UBR1: variants seen among roughly 807,000 people sequenced by gnomAD.
The protein encoded by UBR1 is ubiquitin protein ligase E3 component n-recognin 1, also known as E3 ubiquitin-protein ligase UBR1.
In UBR1, 102 loss-of-function variants were observed where a neutral mutation model predicts 242.1. The ratio of observed to expected loss-of-function variants is 0.42; its 90% CI spans 0.36 to 0.50. The LOEUF (loss-of-function observed/expected upper bound fraction) is 0.50. Among genes scored for constraint, UBR1 ranks in the 20% least tolerant of loss-of-function variants. The probability of loss-of-function intolerance (pLI) is 0.01; values close to 1 mark genes in which losing one functional copy is unlikely to be tolerated. For synonymous variants in UBR1, 675 were observed against 684.8 expected, an observed-to-expected ratio of 0.99 and a Z score of 0.22; for missense variants, 1,772 against 2,101.8, an observed-to-expected ratio of 0.84 and a Z score of 3.07.
Position 43,006,091 on chromosome 15 carries a change from TAAAAAAAAAAAAAAGAAAA to T in UBR1, c.3415+969_3415+987del, listed in dbSNP as rs960623833. On this transcript the variant is annotated intron_variant, in intron 30 of 46. Coordinates refer to ENST00000290650, the MANE Select transcript of UBR1 (RefSeq NM_174916.3). The stretch of plus-strand genomic sequence containing the variant: ...ACACCCAAGAATGATCAATAAATAC[TAAAAAAAAAAAAAAGAAAA>T]AAAAAAAAAGAAAAGAAAAGCACAG... Among the ~76,000 whole-genome samples, 12 of 71,650 alleles carry T rather than the reference TAAAAAAAAAAAAAAGAAAA, an allele frequency of 1.7e-4. No homozygotes were observed. The South Asian group carries it at 3.1e-3, about 18-fold the overall frequency. 47.0% of individuals were successfully genotyped at this position (71,650 alleles called of 152,430 possible). A position where few individuals can be genotyped will look rare whatever the true frequency, so the allele number is the denominator to read the frequency against.
At chr15:43,019,414 A>G (rs1370112946) in intron 27 of UBR1, among the ~76,000 whole-genome samples, 1 of 151,992 alleles carries the variant, frequency 6.6e-6, no homozygotes, top group Non-Finnish European at 1.5e-5. Context: ...AATGGTAAGA[A>G]GAGCTGCCCT....
intron 39 of UBR1, among the ~76,000 whole-genome samples, chr15:42,973,452 GC>G (rs1280232297): frequency 6.6e-6 from 1 of 152,058 alleles, no homozygotes; most frequent in Non-Finnish European, 1.5e-5. Context: ...TGCACACCAT[GC>G]CAGGCTAATT....
At chr15:43,029,837 T>G in intron 21 of UBR1, 107 bp downstream of exon 21, 21 of 1,290,150 alleles carry the variant, frequency 1.6e-5, no homozygotes, top group East Asian at 2.3e-5. Context: ...TATAAGGTAA[T>G]GATATAGGAC....
Position 43,015,875 on chromosome 15 carries a change from T to A in UBR1, c.3028-6A>T, listed in dbSNP as rs2033016594. On this transcript the variant is annotated splice_polypyrimidine_tract_variant and splice_region_variant and intron_variant, in intron 28 of 46. Coordinates refer to ENST00000290650, the MANE Select transcript of UBR1 (RefSeq NM_174916.3). ...TTTTCTTTATCATGAGTAATCTGGG[T>A]ATTAAGAAATGACAAATTTAGGTAA... The A allele has an allele frequency of 6.2e-7, 1 of 1,613,394 alleles. No individual in the cohort carries two copies. Among genetic ancestry groups the A allele is most frequent in the Admixed American group, 1.7e-5 (1 of 59,986 alleles).
chr15:43,055,482 A>G (rs1337896571), intron 11 of UBR1, among the ~76,000 whole-genome samples: 3 of 152,122 alleles, frequency 2.0e-5, no homozygotes, highest in Non-Finnish European at 2.9e-5. Context: ...TAACAAAGAT[A>G]TACTTCATGA....
At chr15:42,953,227 A>T (rs2031863769) in intron 44 of UBR1, among the ~76,000 whole-genome samples, 1 of 152,190 alleles carries the variant, frequency 6.6e-6, no homozygotes, top group Non-Finnish European at 1.5e-5. Context: ...ATGCCCCACC[A>T]AGGGGGATAA....
At chr15:43,047,390 T>C in intron 13 of UBR1, 101 bp from the exon 14 acceptor site, 1 of 1,557,936 alleles carries the variant, frequency 6.4e-7, no homozygotes, top group Non-Finnish European at 8.8e-7. Context: ...CATTTTAACA[T>C]GGTTGTTACA....
intron 14 of UBR1, among the ~76,000 whole-genome samples, chr15:43,046,165 T>C (rs1596117434): frequency 6.6e-6 from 1 of 152,322 alleles, no homozygotes; most frequent in East Asian, 1.9e-4. Context: ...CACCTAACAA[T>C]TGTGCATGCC....
At chr15:43,085,888 T>A in intron 2 of UBR1, 96 bp downstream of exon 2, 1 of 1,367,972 alleles carries the variant, frequency 7.3e-7, no homozygotes, top group Non-Finnish European at 9.8e-7. Context: ...ACCACTGCAC[T>A]CCAGCCTGGG....
At position 43,105,923 on chromosome 15, in the gene UBR1, C is replaced by T; in HGVS notation, c.81+19G>A. On this transcript the variant is annotated intron_variant, in intron 1 of 46. Coordinates refer to ENST00000290650, the MANE Select transcript of UBR1 (RefSeq NM_174916.3). ...GGGACCGGGGGGAGGACAAAAGAGA[C>T]TTGCCTATAGGGACTTACAGATGCC... 6.2e-7 allele frequency: 1 copy of T among 1,613,200 alleles called. No homozygotes were observed. Among genetic ancestry groups the T allele is most frequent in the Non-Finnish European group, 8.5e-7 (1 of 1,179,346 alleles).
intron 35 of UBR1, among the ~76,000 whole-genome samples, chr15:42,985,813 AC>A (rs1173702403): frequency 6.8e-6 from 1 of 147,176 alleles, no homozygotes; most frequent in African/African-American, 2.5e-5. Flanking sequence ...ACATGGTGAA[AC>A]CCTGTCTCTA....
At chr15:42,992,277 G>A (rs2032568039) in intron 33 of UBR1, among the ~76,000 whole-genome samples, 1 of 152,096 alleles carries the variant, frequency 6.6e-6, no homozygotes, top group African/African-American at 2.4e-5. Flanking sequence ...TTGGCATTTG[G>A]TTGTTTTTCC....
At chr15:43,102,077 T>C (rs1026650584) in intron 1 of UBR1, among the ~76,000 whole-genome samples, 1 of 150,524 alleles carries the variant, frequency 6.6e-6, no homozygotes, top group East Asian at 2.0e-4. Flanking sequence ...GACAAAGAGG[T>C]TGCAATGAGC....
At chr15:42,981,252 A>C (rs1259738042) in intron 37 of UBR1, among the ~76,000 whole-genome samples, 1 of 152,110 alleles carries the variant, frequency 6.6e-6, no homozygotes, top group Non-Finnish European at 1.5e-5. Flanking sequence ...ATTAAAAAAA[A>C]CCTTCATGCT....
Position 43,022,677 on chromosome 15 carries a change from G to A in UBR1, c.2839+25C>T, listed in dbSNP as rs776920103. 6.7e-6 allele frequency: 10 copies of A among 1,492,498 alleles called. No individual in the cohort carries two copies. The African/African-American group carries it at 9.6e-5, about 14-fold the overall frequency. 92.5% of individuals were successfully genotyped at this position (1,492,498 alleles called of 1,614,324 possible). A position where few individuals can be genotyped will look rare whatever the true frequency, so the allele number is the denominator to read the frequency against. On this transcript the variant is annotated intron_variant, in intron 26 of 46. Transcript: ENST00000290650. Reference sequence around the variant, plus strand: ...GATCTAGACTTTCAATGACAAATGTGTTGAAGAGTGATACTCAAACATACT... The same window carrying A: ...GATCTAGACTTTCAATGACAAATGTATTGAAGAGTGATACTCAAACATACT...
intron 42 of UBR1, among the ~76,000 whole-genome samples, chr15:42,961,993 T>C (rs2032030301): frequency 6.6e-6 from 1 of 150,596 alleles, no homozygotes; most frequent in Non-Finnish European, 1.5e-5. Context: ...CTCAAACTCC[T>C]GACCTCGTGA....
At chr15:43,028,752 A>C (rs1011277628) in intron 21 of UBR1, among the ~76,000 whole-genome samples, 7 of 150,840 alleles carry the variant, frequency 4.6e-5, no homozygotes, top group African/African-American at 1.7e-4. Context: ...CAAACAAAAA[A>C]AAAAAAACAA....
intron 29 of UBR1, among the ~76,000 whole-genome samples, chr15:43,013,693 A>G (rs769562983): frequency 2.0e-5 from 3 of 152,232 alleles, no homozygotes; most frequent in Admixed American, 6.5e-5. Flanking sequence ...TGCACACTCA[A>G]TGCATTTATC....
intron 27 of UBR1, among the ~76,000 whole-genome samples, chr15:43,017,959 T>C (rs186858232): frequency 6.6e-6 from 1 of 152,084 alleles, no homozygotes; most frequent in East Asian, 1.9e-4. Context: ...CTCTTTTCAC[T>C]TAATCATTTA....
Sources: gnomAD v4.1 joint callset for allele counts (sites outside exome capture counted in the v4.1 genomes callset) on GRCh38, gnomAD v4.1.1 for gene constraint, MANE v1.5 for transcripts, NCBI Gene and HGNC (gene_info 2026-07-23, HGNC 2026-07-21) for gene names.